The following AGBL4 variants were observed in gnomAD, a reference collection of about 807,000 sequenced individuals.
AGBL4 encodes cytosolic carboxypeptidase 6.
AGBL4 carries 58 observed loss-of-function variants against 66.4 expected under a neutral mutation model. The observed-to-expected ratio is 0.87, with a 90% confidence interval of 0.71 to 1.09. The LOEUF is 1.09. AGBL4 is among the 50% of genes least tolerant of loss of function. The pLI is 0.00. For missense variants in AGBL4, 579 were observed against 631.0 expected, an observed-to-expected ratio of 0.92 and a Z score of 0.88; for synonymous variants, 234 against 222.9, an observed-to-expected ratio of 1.05 and a Z score of -0.44.
rs186289177 is a variant in AGBL4, at chr1:49,539,151, A to G, written c.282+158162T>C. On this transcript the variant is annotated intron_variant, in intron 3 of 13. Coordinates refer to ENST00000371839, the MANE Select transcript of AGBL4 (RefSeq NM_032785.4). ...TGATATGGAAATATATTTATGACAT[A>G]AAGTTGAACAAAAATATAAAAATAT... 3.4e-3 allele frequency among the ~76,000 whole-genome samples: 511 copies of G among 152,314 alleles called. 1 individual carries two copies. Among genetic ancestry groups the G allele is most frequent in the Non-Finnish European group, 5.2e-3 (352 of 68,022 alleles).
At chr1:49,167,431 A>G (rs1646655245) in intron 4 of AGBL4, among the ~76,000 whole-genome samples, 1 of 152,168 alleles carries the variant, frequency 6.6e-6, no homozygotes, top group Admixed American at 6.5e-5. Flanking sequence ...TTCTATTAAC[A>G]TGAGCTGGGT....
chr1:49,099,547 G>T (rs1645164193), intron 4 of AGBL4, among the ~76,000 whole-genome samples: 1 of 152,092 alleles, frequency 6.6e-6, no homozygotes, highest in Admixed American at 6.5e-5. Context: ...GTGCTATGTG[G>T]TTTCACTGTT....
intron 3 of AGBL4, among the ~76,000 whole-genome samples, chr1:49,524,641 T>C (rs1650517940): frequency 6.6e-6 from 1 of 151,996 alleles, no homozygotes; most frequent in Non-Finnish European, 1.5e-5. Flanking sequence ...TTTTCCATTA[T>C]CAGACACACA....
At chr1:49,446,995 C>A (rs1646172778) in intron 3 of AGBL4, among the ~76,000 whole-genome samples, 1 of 152,112 alleles carries the variant, frequency 6.6e-6, no homozygotes, top group Admixed American at 6.5e-5. Flanking sequence ...GCCATGCCAC[C>A]AGTTGGGTCA....
At chr1:49,775,839 A>G (rs999676430) in intron 2 of AGBL4, among the ~76,000 whole-genome samples, 1 of 152,100 alleles carries the variant, frequency 6.6e-6, no homozygotes, top group African/African-American at 2.4e-5. Flanking sequence ...GTATATTATG[A>G]GGGGAAAAGT....
At chr1:49,679,854 T>TA (rs1646654229) in intron 3 of AGBL4, among the ~76,000 whole-genome samples, 2 of 152,174 alleles carry the variant, frequency 1.3e-5, no homozygotes, top group South Asian at 4.1e-4. Context: ...ACATCTCTTT[T>TA]AATCACTTAA....
chr1:49,939,930 G>A (rs983310875), intron 1 of AGBL4, among the ~76,000 whole-genome samples: 7 of 152,024 alleles, frequency 4.6e-5, no homozygotes, highest in Admixed American at 3.9e-4. Context: ...TAAAATGGGA[G>A]AAAATTTTCG....
At chr1:49,009,608 A>C (rs1662209411) in intron 5 of AGBL4, among the ~76,000 whole-genome samples, 1 of 152,100 alleles carries the variant, frequency 6.6e-6, no homozygotes, top group Non-Finnish European at 1.5e-5. Context: ...TCCTTGATGA[A>C]TATTGATGCA....
At chr1:49,790,675 A>G (rs1233768859) in intron 2 of AGBL4, among the ~76,000 whole-genome samples, 1 of 152,180 alleles carries the variant, frequency 6.6e-6, no homozygotes, top group African/African-American at 2.4e-5. Flanking sequence ...ATCCTTTAAA[A>G]CAAGAGTGAA....
chr1:48,688,601 G>A (rs1376143913), intron 6 of AGBL4, among the ~76,000 whole-genome samples: 4 of 152,110 alleles, frequency 2.6e-5, no homozygotes, highest in African/African-American at 4.8e-5. Context: ...GACAAGCCTC[G>A]TTCCCTTTGC....
At chr1:49,090,382 A>G (rs1246899727) in intron 4 of AGBL4, among the ~76,000 whole-genome samples, 1 of 152,206 alleles carries the variant, frequency 6.6e-6, no homozygotes, top group East Asian at 1.9e-4. Context: ...AAACAACTTT[A>G]GCAAAGTTTC....
intron 9 of AGBL4, among the ~76,000 whole-genome samples, chr1:48,608,355 T>C (rs1467345496): frequency 2.0e-5 from 3 of 152,254 alleles, no homozygotes; most frequent in Non-Finnish European, 4.4e-5. Context: ...CTAAGCCATC[T>C]AGAGACGTGT....
intron 3 of AGBL4, among the ~76,000 whole-genome samples, chr1:49,376,803 A>C (rs2148564524): frequency 6.6e-6 from 1 of 152,162 alleles, no homozygotes; most frequent in Admixed American, 6.6e-5. Flanking sequence ...TTGTATTGTT[A>C]TCACATACTT....
intron 1 of AGBL4, among the ~76,000 whole-genome samples, chr1:49,928,833 A>G (rs1215626917): frequency 6.6e-6 from 1 of 152,184 alleles, no homozygotes; most frequent in Non-Finnish European, 1.5e-5. Context: ...AAGAAAAAAA[A>G]AAAATCATTC....
intron 3 of AGBL4, among the ~76,000 whole-genome samples, chr1:49,349,092 C>A (rs866339332): frequency 6.6e-6 from 1 of 152,158 alleles, no homozygotes; most frequent in Non-Finnish European, 1.5e-5. Flanking sequence ...CCTCTGAGTC[C>A]TTGCTCATGC....
chr1:48,990,508 T>G (rs1378715362), intron 5 of AGBL4, among the ~76,000 whole-genome samples: 2 of 152,184 alleles, frequency 1.3e-5, no homozygotes, highest in Non-Finnish European at 2.9e-5. Flanking sequence ...TGTAGTAGTT[T>G]CATAGTTTGG....
Position 50,023,899 on chromosome 1 carries a change from G to T in AGBL4, c.-103C>A, listed in dbSNP as rs759845638. ...ACAGGAGCTACCTCAGGAAGACGCG[G>T]CACGACGGTTGCCTGGGCAACGGGC... On this transcript the variant is annotated 5_prime_UTR_variant, in exon 1 of 14. Coordinates refer to ENST00000371839, the MANE Select transcript of AGBL4 (RefSeq NM_032785.4). The T allele has an allele frequency of 3.8e-4, 507 of 1,335,496 alleles. 2 individuals carry two copies. The highest frequency in any genetic ancestry group is 4.8e-4 in the Non-Finnish European group (479 of 1,000,522). 82.7% of individuals were successfully genotyped at this position (1,335,496 alleles called of 1,614,324 possible).
chr1:49,619,327 A>T (rs1375366125), intron 3 of AGBL4, among the ~76,000 whole-genome samples: 1 of 152,194 alleles, frequency 6.6e-6, no homozygotes, highest in Admixed American at 6.5e-5. Context: ...CACCAATAAT[A>T]GGCAAACAGA....
intron 4 of AGBL4, among the ~76,000 whole-genome samples, chr1:49,112,527 G>C (rs1327191720): frequency 6.6e-6 from 1 of 152,178 alleles, no homozygotes; most frequent in African/African-American, 2.4e-5. Flanking sequence ...ATGCGATACT[G>C]TTTGACAGCA....
Sources: allele counts gnomAD v4.1 joint callset (sites outside exome capture counted in the v4.1 genomes callset), GRCh38; gene constraint gnomAD v4.1.1; transcripts MANE v1.5; gene names NCBI Gene and HGNC (gene_info 2026-07-23, HGNC 2026-07-21).